ST8SIA2: variants seen among roughly 807,000 people sequenced by gnomAD.
ST8SIA2 encodes alpha-2,8-sialyltransferase 8B.
ST8SIA2 carries 22 observed loss-of-function variants against 37.6 expected under a neutral mutation model. That is an observed-to-expected ratio of 0.58 (90% CI 0.42 to 0.83). The LOEUF (loss-of-function observed/expected upper bound fraction) is 0.83. Ranked by LOEUF, ST8SIA2 falls within the 40% of genes least tolerant of loss-of-function variation. The probability of loss-of-function intolerance (pLI) is 0.00; values close to 1 mark genes in which losing one functional copy is unlikely to be tolerated. For synonymous variants in ST8SIA2, 205 were observed against 201.2 expected (o/e 1.02, Z -0.16); for missense variants, 382 against 484.7 (o/e 0.79, Z 1.99).
At chr15:92,402,803 A>T (rs12593000) in intron 1 of ST8SIA2, among the ~76,000 whole-genome samples, 1 of 152,028 alleles carries the variant, frequency 6.6e-6, no homozygotes, top group African/African-American at 2.4e-5. Context: ...ACGGAGTCTC[A>T]TCAGAATGGC....
chr15:92,455,206 T>C (rs190896015), intron 5 of ST8SIA2, among the ~76,000 whole-genome samples: 111 of 152,208 alleles, frequency 7.3e-4, no homozygotes, highest in African/African-American at 2.6e-3. Context: ...GGCTGGTCCC[T>C]TCCCTGTGCT....
At chr15:92,438,275 C>T in intron 3 of ST8SIA2, 78 bp from the exon 4 acceptor site, 1 of 1,609,994 alleles carries the variant, frequency 6.2e-7, no homozygotes, top group Non-Finnish European at 8.5e-7. Context: ...GCAGGGCGAC[C>T]CTGGATAGGA....
chr15:92,395,750 T>C (rs1471181156), intron 1 of ST8SIA2, among the ~76,000 whole-genome samples: 3 of 152,190 alleles, frequency 2.0e-5, no homozygotes, highest in Non-Finnish European at 4.4e-5. Context: ...GCTCTCCGGC[T>C]TCTGATTCCG....
intron 1 of ST8SIA2, among the ~76,000 whole-genome samples, chr15:92,404,069 C>A (rs1256162329): frequency 1.3e-5 from 2 of 152,212 alleles, no homozygotes; most frequent in Admixed American, 6.5e-5. Context: ...CCCACCATAC[C>A]ATAGCTCTAA....
intron 5 of ST8SIA2, among the ~76,000 whole-genome samples, chr15:92,453,953 T>A (rs777343279): frequency 2.0e-5 from 3 of 152,090 alleles, no homozygotes; most frequent in Non-Finnish European, 4.4e-5. Context: ...ACAAATAAGA[T>A]CATCTGAAAT....
intron 1 of ST8SIA2, among the ~76,000 whole-genome samples, chr15:92,414,733 T>C (rs1426392810): frequency 6.6e-6 from 1 of 152,224 alleles, no homozygotes. Context: ...TTGCATCCAG[T>C]CACCTGATTC....
At chr15:92,445,222 C>G in intron 5 of ST8SIA2, 1 of 511,122 alleles carries the variant, frequency 2.0e-6, no homozygotes, top group Non-Finnish European at 3.6e-6. Context: ...GGAACAGACG[C>G]CATGAACATG....
intron 1 of ST8SIA2, among the ~76,000 whole-genome samples, chr15:92,419,765 C>A (rs187348407): frequency 3.4e-4 from 52 of 152,322 alleles, no homozygotes; most frequent in African/African-American, 1.2e-3. Context: ...CAACAGCATA[C>A]ATATATGTAT....
chr15:92,435,003 A>G (rs754935342), intron 3 of ST8SIA2, among the ~76,000 whole-genome samples: 105 of 152,214 alleles, frequency 6.9e-4, no homozygotes, highest in Non-Finnish European at 4.3e-4. Context: ...GGCAATGGGG[A>G]ACCGTAGAGA....
chr15:92,431,359 C>T (rs1344868745), intron 2 of ST8SIA2, among the ~76,000 whole-genome samples: 1 of 152,200 alleles, frequency 6.6e-6, no homozygotes, highest in African/African-American at 2.4e-5. Flanking sequence ...TGATTTTACC[C>T]CTCTGAGCCT....
At chr15:92,405,614 G>T (rs1432351985) in intron 1 of ST8SIA2, among the ~76,000 whole-genome samples, 1 of 152,146 alleles carries the variant, frequency 6.6e-6, no homozygotes, top group African/African-American at 2.4e-5. Flanking sequence ...ATCAATGTGG[G>T]TATTACTTAA....
At chr15:92,445,365 A>G (rs576212862) in intron 5 of ST8SIA2, among the ~76,000 whole-genome samples, 1 of 152,360 alleles carries the variant, frequency 6.6e-6, no homozygotes, top group East Asian at 1.9e-4. Flanking sequence ...CTTCAGGGAA[A>G]TATGAGTGGG....
chr15:92,435,757 G>T (rs775843920), intron 3 of ST8SIA2, among the ~76,000 whole-genome samples: 111 of 152,150 alleles, frequency 7.3e-4, no homozygotes, highest in Non-Finnish European at 2.4e-4. Context: ...GAGGCCTCCT[G>T]GTGGCCCTCC....
chr15:92,439,953 G>T (rs2049789333), intron 4 of ST8SIA2, among the ~76,000 whole-genome samples: 1 of 152,084 alleles, frequency 6.6e-6, no homozygotes, highest in Admixed American at 6.5e-5. Context: ...GGGGGAGGCG[G>T]GGGGGTGGCT....
chr15:92,429,927 A>C, intron 1 of ST8SIA2, 122 bp from the exon 2 acceptor site: 1 of 1,063,588 alleles, frequency 9.4e-7, no homozygotes. Context: ...TGCAGAGTCC[A>C]GAATGAGGTC....
At chr15:92,440,166 G>A (rs747828999) in intron 4 of ST8SIA2, among the ~76,000 whole-genome samples, 1 of 152,166 alleles carries the variant, frequency 6.6e-6, no homozygotes, top group Non-Finnish European at 1.5e-5. Flanking sequence ...CTACCCATTT[G>A]TCACATGACT....
At chr15:92,407,359 T>A (rs2049516006) in intron 1 of ST8SIA2, among the ~76,000 whole-genome samples, 1 of 152,204 alleles carries the variant, frequency 6.6e-6, no homozygotes, top group Non-Finnish European at 1.5e-5. Flanking sequence ...TGAAGTGATT[T>A]ATTACATAAG....
chr15:92,444,829 G>A lies in ST8SIA2; in HGVS notation c.742G>A (p.Gly248Ser), dbSNP rs760014109. 54 of 1,613,946 alleles carry A rather than the reference G, an allele frequency of 3.3e-5. No individual in the cohort carries two copies. The highest frequency in any genetic ancestry group is 4.3e-5 in the Non-Finnish European group (51 of 1,180,048). ...GATCCCTGCCTTCATGGCCCGGGGC[G>A]GCAAGGAGCGTGTTGAGTGGGTCAA... Reference protein sequence around the residue: ...LWIPAFMARGGKERVEWVNEL... With the variant: ...LWIPAFMARGSKERVEWVNEL... The change falls in exon 5 of 6, where the codon GGC becomes AGC. Residue 248 changes from glycine to serine, a missense_variant. Gly to Ser is a moderately conservative substitution (Grantham distance 56). Coordinates refer to ENST00000268164, the MANE Select transcript of ST8SIA2 (RefSeq NM_006011.4).
chr15:92,451,028 G>GT (rs2049878013), intron 5 of ST8SIA2, among the ~76,000 whole-genome samples: 2 of 152,188 alleles, frequency 1.3e-5, no homozygotes, highest in Non-Finnish European at 2.9e-5. Context: ...TGGGCAACTT[G>GT]GACTTGACGG....
Sources: allele counts gnomAD v4.1 joint callset (sites outside exome capture counted in the v4.1 genomes callset), GRCh38; gene constraint gnomAD v4.1.1; transcripts MANE v1.5; gene names NCBI Gene and HGNC (gene_info 2026-07-23, HGNC 2026-07-21).